NCAM1: variants seen among roughly 807,000 people sequenced by gnomAD.
The protein encoded by NCAM1 is antigen recognized by monoclonal antibody 5.1H11.
A neutral mutation model predicts 109.8 loss-of-function variants in NCAM1; 14 were observed. That is an observed-to-expected ratio of 0.13 (90% CI 0.08 to 0.20). NCAM1 has a LOEUF of 0.20. Among genes scored for constraint, NCAM1 ranks in the 10% least tolerant of loss-of-function variants. The probability of loss-of-function intolerance (pLI) is 1.00; values close to 1 mark genes in which losing one functional copy is unlikely to be tolerated. For synonymous variants in NCAM1, 418 were observed against 442.9 expected, an observed-to-expected ratio of 0.94 and a Z score of 0.70; for missense variants, 774 against 1,109.9, an observed-to-expected ratio of 0.70 and a Z score of 4.30.
At chr11:113,031,509 T>C (rs1417012312) in intron 1 of NCAM1, among the ~76,000 whole-genome samples, 1 of 152,054 alleles carries the variant, frequency 6.6e-6, no homozygotes, top group East Asian at 1.9e-4. Context: ...CTGACCAACA[T>C]GGTGAAACCC....
chr11:113,113,157 C>T (rs782544029), intron 1 of NCAM1, among the ~76,000 whole-genome samples: 6 of 152,118 alleles, frequency 3.9e-5, no homozygotes, highest in Non-Finnish European at 7.4e-5. Flanking sequence ...AAAATAAAGT[C>T]TGCATGAGTC....
chr11:113,178,165 G>A (rs1555107392), intron 1 of NCAM1, among the ~76,000 whole-genome samples: 1 of 152,162 alleles, frequency 6.6e-6, no homozygotes, highest in Non-Finnish European at 1.5e-5. Flanking sequence ...TTCTCCGGGT[G>A]CTTCCATTTT....
intron 1 of NCAM1, among the ~76,000 whole-genome samples, chr11:113,126,512 C>T (rs546184709): frequency 2.6e-5 from 4 of 152,246 alleles, no homozygotes; most frequent in South Asian, 4.2e-4. Context: ...CCACAGTTTC[C>T]GATGCTTATC....
intron 7 of NCAM1, among the ~76,000 whole-genome samples, chr11:113,210,611 G>T (rs2136978087): frequency 6.6e-6 from 1 of 152,184 alleles, no homozygotes; most frequent in East Asian, 1.9e-4. Context: ...GACCTCTCTG[G>T]TGGTGATGGC....
chr11:113,022,357 T>C (rs1952413811), intron 1 of NCAM1, among the ~76,000 whole-genome samples: 1 of 152,226 alleles, frequency 6.6e-6, no homozygotes, highest in Admixed American at 6.5e-5. Flanking sequence ...TACACTTTTG[T>C]TGTTTCTATT....
chr11:113,198,528 C>T (rs1247407296), intron 1 of NCAM1, among the ~76,000 whole-genome samples: 1 of 152,060 alleles, frequency 6.6e-6, no homozygotes, highest in Non-Finnish European at 1.5e-5. Context: ...TGTGCCACCA[C>T]ATCCAGCTAA....
At chr11:112,983,282 A>G (rs1951201986) in intron 1 of NCAM1, among the ~76,000 whole-genome samples, 1 of 151,986 alleles carries the variant, frequency 6.6e-6, no homozygotes, top group African/African-American at 2.4e-5. Flanking sequence ...TACATGAAAG[A>G]TTGTGTAGCT....
intron 1 of NCAM1, among the ~76,000 whole-genome samples, chr11:113,011,051 C>T (rs532181837): frequency 1.3e-4 from 19 of 150,012 alleles, no homozygotes; most frequent in East Asian, 7.9e-4. Flanking sequence ...CATGCTGGTG[C>T]GCTGCACCCA....
intron 1 of NCAM1, among the ~76,000 whole-genome samples, chr11:113,123,924 C>G (rs1161488976): frequency 5.3e-5 from 8 of 152,250 alleles, no homozygotes; most frequent in African/African-American, 1.9e-4. Flanking sequence ...CCCTCTTGCC[C>G]TACCATTTCT....
chr11:113,146,141 A>C lies in NCAM1; in HGVS notation c.53-56238A>C, dbSNP rs189501165. 9.2e-5 allele frequency among the ~76,000 whole-genome samples: 14 copies of C among 152,350 alleles called. No homozygotes were observed. In the East Asian group the frequency reaches 2.7e-3, roughly 29 times the overall value. On this transcript the variant is annotated intron_variant, in intron 1 of 19. Coordinates refer to ENST00000316851, the MANE Select transcript of NCAM1 (RefSeq NM_181351.5). ...AAGAGATATTAAATCTCAATTTTTA[A>C]TAAAATTATTGACATCATTGGGGAG...
intron 1 of NCAM1, among the ~76,000 whole-genome samples, chr11:113,190,561 T>A (rs1448433164): frequency 6.6e-6 from 1 of 152,200 alleles, no homozygotes; most frequent in East Asian, 1.9e-4. Flanking sequence ...TAAGCCATGG[T>A]CATGATGACG....
At chr11:113,088,396 CATT>C (rs1939184200) in intron 1 of NCAM1, among the ~76,000 whole-genome samples, 1 of 152,148 alleles carries the variant, frequency 6.6e-6, no homozygotes, top group Non-Finnish European at 1.5e-5. Context: ...CTGTTGTAGT[CATT>C]ATAAGAAACA....
chr11:113,270,233 G>A lies in NCAM1; in HGVS notation c.2177G>A (p.Gly726Asp). The change falls in exon 18 of 20, where the codon GGC becomes GAC. Residue 726 changes from glycine to aspartate, a missense_variant. Physicochemically the swap from Gly to Asp is moderately conservative, Grantham distance 94. Around this residue, in one of 4 missense-constraint regions of NCAM1, gnomAD observed 523 missense variants for 784.2 expected, o/e 0.67. Transcript: ENST00000316851. The part of the protein sequence containing the change: ...TSGLSTGAIV[G>D]ILIVIFVLLL... ...GGCCTGAGCACCGGGGCCATCGTGG[G>A]CATCCTCATCGTCATCTTCGTCCTG... The A allele has an allele frequency of 6.2e-7, 1 of 1,614,004 alleles. No individual in the cohort carries two copies. The highest frequency in any genetic ancestry group is 8.5e-7 in the Non-Finnish European group (1 of 1,179,896).
chr11:113,080,189 A>G (rs915768659), intron 1 of NCAM1, among the ~76,000 whole-genome samples: 1 of 152,306 alleles, frequency 6.6e-6, no homozygotes, highest in South Asian at 2.1e-4. Context: ...AGGCTGGCAG[A>G]AGATAATACA....
intron 1 of NCAM1, among the ~76,000 whole-genome samples, chr11:113,031,262 T>C (rs1246339068): frequency 6.6e-6 from 1 of 152,234 alleles, no homozygotes; most frequent in Non-Finnish European, 1.5e-5. Flanking sequence ...CTAACACTTA[T>C]ATTTTCCTTG....
intron 1 of NCAM1, among the ~76,000 whole-genome samples, chr11:113,064,611 G>A (rs868994167): frequency 6.6e-6 from 1 of 151,972 alleles, no homozygotes; most frequent in Non-Finnish European, 1.5e-5. Context: ...GTCCTTTGCA[G>A]TTCGTATCAT....
At chr11:113,127,523 A>G (rs1941224964) in intron 1 of NCAM1, among the ~76,000 whole-genome samples, 1 of 152,230 alleles carries the variant, frequency 6.6e-6, no homozygotes, top group Non-Finnish European at 1.5e-5. Flanking sequence ...TAAATGCAAC[A>G]CCTTTTAAGG....
intron 17 of NCAM1, chr11:113,264,041 G>A: frequency 1.0e-6 from 1 of 985,382 alleles, no homozygotes; most frequent in Non-Finnish European, 1.2e-6. Context: ...GGAAATGGGT[G>A]TGTTTTGTTA....
At position 113,261,398 on chromosome 11, in the gene NCAM1, G is replaced by A. The variant is rs145458579; in HGVS notation, c.2131+1075G>A. On this transcript the variant is annotated intron_variant, in intron 17 of 19. Transcript: ENST00000316851. ...GTTTGTACATGGATGTGTGTGTCTGGGAGACGTGTGCTGGACCTCCAGTGA... is the reference window on the plus strand; with the variant it reads ...GTTTGTACATGGATGTGTGTGTCTGAGAGACGTGTGCTGGACCTCCAGTGA... 2.5e-3 allele frequency among the ~76,000 whole-genome samples: 376 copies of A among 152,210 alleles called. 1 individual carries two copies. The highest frequency in any genetic ancestry group is 8.8e-3 in the African/African-American group (364 of 41,538).
Sources: gnomAD v4.1 joint callset for allele counts (sites outside exome capture counted in the v4.1 genomes callset) on GRCh38, gnomAD v4.1.1 for gene constraint, gnomAD v4.1.1 regional missense constraint, MANE v1.5 for transcripts, NCBI Gene and HGNC (gene_info 2026-07-23, HGNC 2026-07-21) for gene names.